Variants in SORCS3 observed in about 807,000 individuals in gnomAD.
The protein encoded by SORCS3 is sortilin related VPS10 domain containing receptor 3.
A neutral mutation model predicts 146.3 loss-of-function variants in SORCS3; 57 were observed. The observed-to-expected ratio is 0.39, with a 90% CI of 0.31 to 0.49. The LOEUF (loss-of-function observed/expected upper bound fraction) is 0.49. Ranked by LOEUF, SORCS3 falls within the 20% of genes least tolerant of loss-of-function variation. The pLI is 0.92. For missense variants in SORCS3, 1,341 were observed against 1,575.5 expected (o/e 0.85, Z 2.52); for synonymous variants, 653 against 618.5 (o/e 1.06, Z -0.83).
chr10:104,715,314 C>T (rs2016463227), intron 1 of SORCS3, among the ~76,000 whole-genome samples: 1 of 152,172 alleles, frequency 6.6e-6, no homozygotes, highest in African/African-American at 2.4e-5. Context: ...AATTCACTCT[C>T]TCTCTTCTTA....
At chr10:105,153,635 G>C (rs1408304310) in intron 9 of SORCS3, among the ~76,000 whole-genome samples, 2 of 122,962 alleles carry the variant, frequency 1.6e-5, no homozygotes, top group African/African-American at 7.3e-5. Flanking sequence ...GAGAGAGAGA[G>C]TGTGTGTGTA....
At position 104,887,965 on chromosome 10, in the gene SORCS3, G is replaced by GT. The variant is rs201517687; in HGVS notation, c.696-27868_696-27867insT. Among the ~76,000 whole-genome samples, 584 of 126,988 alleles carry GT rather than the reference G, an allele frequency of 4.6e-3. 76 individuals are homozygous for GT. The highest frequency in any genetic ancestry group is 0.017 in the African/African-American group (524 of 30,210). 83.3% of individuals were successfully genotyped at this position (126,988 alleles called of 152,430 possible). ...CCCAGCAACATGGTGGGGGCGGGGG[G>GT]GCGGGGGCGGAGCAAGCCCATGAAG... On this transcript the variant is annotated intron_variant, in intron 2 of 26. Transcript: ENST00000369701.
intron 4 of SORCS3, among the ~76,000 whole-genome samples, chr10:104,985,486 T>A (rs1474091389): frequency 6.6e-6 from 1 of 152,180 alleles, no homozygotes; most frequent in Non-Finnish European, 1.5e-5. Context: ...TCAACTTCTT[T>A]CAAGCTCCTG....
At chr10:104,958,067 C>A (rs769357616) in intron 3 of SORCS3, among the ~76,000 whole-genome samples, 2 of 152,116 alleles carry the variant, frequency 1.3e-5, no homozygotes. Flanking sequence ...AGAAAAAAAT[C>A]TCATTTTTCC....
Position 105,214,696 on chromosome 10 carries a change from C to A in SORCS3, c.2547+83C>A, listed in dbSNP as rs573603886. The A allele has an allele frequency of 1.9e-5, 25 of 1,292,464 alleles. 1 individual carries two copies. In the South Asian group the frequency reaches 3.3e-4, roughly 17 times the overall value. 80.1% of individuals were successfully genotyped at this position (1,292,464 alleles called of 1,614,324 possible). ...GGAAGAAGAAGATCTTACATTCCCACAGACCCCTGCACCAAAGTCAATGGT... is the reference window on the plus strand; with the variant it reads ...GGAAGAAGAAGATCTTACATTCCCAAAGACCCCTGCACCAAAGTCAATGGT... On this transcript the variant is annotated intron_variant, in intron 18 of 26. Transcript: ENST00000369701.
At chr10:104,735,456 G>GTTGTTT (rs2016757341) in intron 1 of SORCS3, among the ~76,000 whole-genome samples, 1 of 34,994 alleles carries the variant, frequency 2.9e-5, no homozygotes, top group Non-Finnish European at 4.8e-5. Flanking sequence ...CTCACCGTCT[G>GTTGTTT]TTTTTTTTTT....
intron 3 of SORCS3, among the ~76,000 whole-genome samples, chr10:104,940,290 T>C (rs1241344886): frequency 7.1e-6 from 1 of 141,772 alleles, no homozygotes; most frequent in African/African-American, 2.5e-5. Context: ...ATGTGCACAA[T>C]GTGCAGGTTT....
intron 5 of SORCS3, among the ~76,000 whole-genome samples, chr10:105,049,415 C>T (rs1344702150): frequency 6.6e-6 from 1 of 152,006 alleles, no homozygotes; most frequent in Admixed American, 6.6e-5. Flanking sequence ...CCCCAAGTAT[C>T]ATAGCTTTTC....
rs61319384 is a variant in SORCS3 at position 104,779,915 on chromosome 10, A to G, written c.628-62877A>G. Among the ~76,000 whole-genome samples, 75 of 152,216 alleles carry G rather than the reference A, an allele frequency of 4.9e-4. 1 individual carries two copies. The East Asian group carries it at 9.1e-3, about 18-fold the overall frequency. The stretch of plus-strand genomic sequence containing the variant: ...CAGTGCTGAGTAACGTGGTTATTAG[A>G]AGTATGAATTATTTAAGGAGACGTG... On this transcript the variant is annotated intron_variant, in intron 1 of 26. Coordinates refer to ENST00000369701, the MANE Select transcript of SORCS3 (RefSeq NM_014978.3).
chr10:105,238,727 C>T (rs1421725079), intron 20 of SORCS3, among the ~76,000 whole-genome samples: 1 of 152,178 alleles, frequency 6.6e-6, no homozygotes, highest in African/African-American at 2.4e-5. Flanking sequence ...ATACTTTAGA[C>T]AGATACTGTC....
At position 104,696,830 on chromosome 10, in the gene SORCS3, G is replaced by C. The variant is rs1377358222; in HGVS notation, c.627+54876G>C. ...AATGGAAGGAAATCCTGCTATTTGTGACAACATGGATAACCTGGAGGACAT... is the reference window on the plus strand; with the variant it reads ...AATGGAAGGAAATCCTGCTATTTGTCACAACATGGATAACCTGGAGGACAT... On this transcript the variant is annotated intron_variant, in intron 1 of 26. Coordinates refer to ENST00000369701, the MANE Select transcript of SORCS3 (RefSeq NM_014978.3). Among the ~76,000 whole-genome samples the C allele has an allele frequency of 3.5e-5, 5 of 143,140 alleles. No homozygotes were observed. The Admixed American group carries it at 3.8e-4, about 11-fold the overall frequency. 93.9% of individuals were successfully genotyped at this position (143,140 alleles called of 152,430 possible).
At chr10:105,001,981 C>T (rs2055064830) in intron 4 of SORCS3, among the ~76,000 whole-genome samples, 1 of 152,088 alleles carries the variant, frequency 6.6e-6, no homozygotes, top group East Asian at 1.9e-4. Flanking sequence ...TTCTTCAGGT[C>T]CCACAGTGGG....
In SORCS3 at chr10:105,257,076, AG is replaced by A. The variant is rs1342602458; in HGVS notation, c.3443+155del. 9.2e-6 allele frequency: 6 copies of A among 655,420 alleles called. No individual in the cohort carries two copies. The Admixed American group carries it at 1.3e-4, about 15-fold the overall frequency. The allele number at this position is 655,420 out of a possible 1,614,324, so 40.6% of individuals were successfully genotyped here. On this transcript the variant is annotated intron_variant, in intron 25 of 26. Transcript: ENST00000369701. Reference sequence around the variant, plus strand: ...CAATGGGTAAAAGCAAGAATGGTTGAGGGTCATGGATTAAATGGGTTTGAGA... The same window carrying A: ...CAATGGGTAAAAGCAAGAATGGTTGAGGTCATGGATTAAATGGGTTTGAGA...
rs746689746 is a variant in SORCS3, at chr10:105,216,980, G to T, written c.2592G>T (p.Gly864=). The T allele has an allele frequency of 5.0e-6, 8 of 1,614,086 alleles. No individual in the cohort carries two copies. Among genetic ancestry groups the T allele is most frequent in the Non-Finnish European group, 4.2e-6 (5 of 1,180,040 alleles). The change falls in exon 19 of 27, where the codon GGG becomes GGT. Residue 864 remains glycine (G), a synonymous_variant. Coordinates refer to ENST00000369701, the MANE Select transcript of SORCS3 (RefSeq NM_014978.3). Reference sequence around the variant, plus strand: ...ACATCCAGCTTGACTTTGGGGATGGGATTGCTGTGTCCTACGCAAACTTCA... The same window carrying T: ...ACATCCAGCTTGACTTTGGGGATGGTATTGCTGTGTCCTACGCAAACTTCA... ...RTNIQLDFGD[G]IAVSYANFSP...
rs776903997 is a variant in SORCS3, at chr10:104,977,505, C to A, written c.954+12C>A. 3 of 1,586,420 alleles carry A rather than the reference C, an allele frequency of 1.9e-6. No individual in the cohort carries two copies. Among genetic ancestry groups the A allele is most frequent in the Admixed American group, 3.5e-5 (2 of 56,828 alleles). Reference sequence around the variant, plus strand: ...GTTTGGATCAAAAGGTGAATAAATACTATTTTCATTTACTTCTTGTCATCC... The same window carrying A: ...GTTTGGATCAAAAGGTGAATAAATAATATTTTCATTTACTTCTTGTCATCC... On this transcript the variant is annotated intron_variant, in intron 4 of 26. Transcript: ENST00000369701.
chr10:105,109,937 G>A (rs76598667), intron 7 of SORCS3, among the ~76,000 whole-genome samples: 11,879 of 150,962 alleles, frequency 0.079, 582 homozygotes, highest in Middle Eastern at 0.12. Context: ...TAATTTCTCG[G>A]GAGTTTCTGT....
intron 7 of SORCS3, among the ~76,000 whole-genome samples, chr10:105,113,691 G>A (rs1024278802): frequency 1.3e-5 from 2 of 152,094 alleles, no homozygotes; most frequent in African/African-American, 4.8e-5. Context: ...TTTTGCTTGG[G>A]GGAACCCAGT....
chr10:104,688,019 A>G (rs1049256793), intron 1 of SORCS3, among the ~76,000 whole-genome samples: 13 of 152,252 alleles, frequency 8.5e-5, no homozygotes, highest in Admixed American at 3.3e-4. Flanking sequence ...AGGGATTTTC[A>G]TACTTTGACC....
intron 3 of SORCS3, among the ~76,000 whole-genome samples, chr10:104,950,363 G>T (rs897050697): frequency 3.9e-5 from 6 of 152,142 alleles, no homozygotes; most frequent in Admixed American, 6.6e-5. Flanking sequence ...TATATGATGT[G>T]ACCGTATAAT....
Sources: allele counts gnomAD v4.1 joint callset (sites outside exome capture counted in the v4.1 genomes callset), GRCh38; gene constraint gnomAD v4.1.1; transcripts MANE v1.5; gene names NCBI Gene and HGNC (gene_info 2026-07-23, HGNC 2026-07-21).